L3MBTL4: variants seen among roughly 807,000 people sequenced by gnomAD.
The protein encoded by L3MBTL4 is L3MBTL histone methyl-lysine binding protein 4.
In L3MBTL4, 70 loss-of-function variants were observed where a neutral mutation model predicts 84.5. The observed-to-expected ratio is 0.83, with a 90% CI of 0.68 to 1.01. L3MBTL4 has a LOEUF of 1.01. Among genes scored for constraint, L3MBTL4 ranks in the 50% least tolerant of loss-of-function variants. The probability of loss-of-function intolerance (pLI) is 0.00; values close to 1 mark genes in which losing one functional copy is unlikely to be tolerated. For missense variants in L3MBTL4, 715 were observed against 754.8 expected, an observed-to-expected ratio of 0.95 and a Z score of 0.62; for synonymous variants, 274 against 259.8, an observed-to-expected ratio of 1.05 and a Z score of -0.52.
At chr18:6,157,912 T>C (rs542296945) in intron 13 of L3MBTL4, among the ~76,000 whole-genome samples, 4 of 152,324 alleles carry the variant, frequency 2.6e-5, no homozygotes, top group African/African-American at 9.6e-5. Context: ...TTTTTCTGCC[T>C]ATCAACTTCC....
intron 16 of L3MBTL4, among the ~76,000 whole-genome samples, chr18:6,014,075 A>G (rs963929145): frequency 1.3e-5 from 2 of 151,944 alleles, no homozygotes; most frequent in East Asian, 3.9e-4. Context: ...AGACTTCATT[A>G]CTCTGGGCCT....
chr18:5,979,188 T>C (rs1177365434), intron 16 of L3MBTL4, among the ~76,000 whole-genome samples: 2 of 152,100 alleles, frequency 1.3e-5, no homozygotes, highest in African/African-American at 4.8e-5. Context: ...TGTGCCTCCC[T>C]TTTCTCTGGG....
intron 14 of L3MBTL4, among the ~76,000 whole-genome samples, chr18:6,107,073 T>A (rs921672359): frequency 6.6e-6 from 1 of 152,274 alleles, no homozygotes; most frequent in African/African-American, 2.4e-5. Flanking sequence ...GCATTTAATA[T>A]AAAACCAGGC....
At position 6,398,658 on chromosome 18, in the gene L3MBTL4, A is replaced by G. The variant is rs151318910; in HGVS notation, c.-91+16143T>C. Among the ~76,000 whole-genome samples the G allele has an allele frequency of 7.5e-3, 1,098 of 146,924 alleles. 7 individuals are homozygous for G. The highest frequency in any genetic ancestry group is 0.012 in the Non-Finnish European group (791 of 66,764). Reference sequence around the variant, plus strand: ...TGGCAATCCTGGCCTCATTCAGCCTATAGATGTTTTGATTGTGCCTCACAC... The same window carrying G: ...TGGCAATCCTGGCCTCATTCAGCCTGTAGATGTTTTGATTGTGCCTCACAC... On this transcript the variant is annotated intron_variant, in intron 1 of 18. Coordinates refer to ENST00000317931, the MANE Select transcript of L3MBTL4 (RefSeq NM_001330559.2).
intron 12 of L3MBTL4, among the ~76,000 whole-genome samples, chr18:6,185,246 T>C (rs1465061837): frequency 6.6e-6 from 1 of 152,172 alleles, no homozygotes; most frequent in South Asian, 2.1e-4. Context: ...GCCATACACA[T>C]GCTGACACGT....
In L3MBTL4 at chr18:6,100,593, T is replaced by C. The variant is rs2058791655; in HGVS notation, c.1200-7065A>G. ...TTTTGGGGATTATATTGTGGGACTC[T>C]AGCTCCTATTCAACTTTCTGATTGG... On this transcript the variant is annotated intron_variant, in intron 14 of 18. Coordinates refer to ENST00000317931, the MANE Select transcript of L3MBTL4 (RefSeq NM_001330559.2). Among the ~76,000 whole-genome samples the C allele has an allele frequency of 2.0e-5, 3 of 152,214 alleles. 1 individual carries two copies. The South Asian group carries it at 6.2e-4, about 32-fold the overall frequency.
chr18:5,970,179 G>A (rs1442652163), intron 16 of L3MBTL4, among the ~76,000 whole-genome samples: 2 of 152,224 alleles, frequency 1.3e-5, no homozygotes, highest in Non-Finnish European at 2.9e-5. Context: ...TCCTGTGGCA[G>A]CCAGGGACTT....
At chr18:6,284,784 A>G (rs78263087) in intron 4 of L3MBTL4, among the ~76,000 whole-genome samples, 6,634 of 152,220 alleles carry the variant, frequency 0.044, 426 homozygotes, top group African/African-American at 0.14. Context: ...AGGTGGGAGG[A>G]CATGGGTGGA....
intron 16 of L3MBTL4, among the ~76,000 whole-genome samples, chr18:5,973,317 C>T (rs2052746248): frequency 6.6e-6 from 1 of 152,204 alleles, no homozygotes; most frequent in Non-Finnish European, 1.5e-5. Flanking sequence ...GCAGGGTGGA[C>T]ATCTGCTTCC....
At chr18:6,282,894 G>C (rs1405759578) in intron 4 of L3MBTL4, among the ~76,000 whole-genome samples, 1 of 152,116 alleles carries the variant, frequency 6.6e-6, no homozygotes, top group Non-Finnish European at 1.5e-5. Context: ...AGAAGCAACA[G>C]CCTCCCTTGT....
At chr18:6,120,305 T>G (rs1416426092) in intron 14 of L3MBTL4, among the ~76,000 whole-genome samples, 1 of 152,094 alleles carries the variant, frequency 6.6e-6, no homozygotes, top group East Asian at 1.9e-4. Context: ...CATTACTGTT[T>G]CCTCTGGAGT....
intron 14 of L3MBTL4, among the ~76,000 whole-genome samples, chr18:6,098,265 T>C (rs1289114617): frequency 1.3e-5 from 2 of 152,142 alleles, no homozygotes; most frequent in Admixed American, 1.3e-4. Flanking sequence ...ACGACTTACC[T>C]AAGGGTAGCT....
chr18:6,381,900 T>C (rs570329120), intron 1 of L3MBTL4, among the ~76,000 whole-genome samples: 21 of 152,336 alleles, frequency 1.4e-4, no homozygotes, highest in Middle Eastern at 6.8e-3. Context: ...TTGGAGAAGT[T>C]CTCCTGGATA....
At position 5,974,960 on chromosome 18, in the gene L3MBTL4, T is replaced by C. The variant is rs2052832335; in HGVS notation, c.1445-5398A>G. Among the ~76,000 whole-genome samples the C allele has an allele frequency of 2.0e-5, 3 of 151,946 alleles. 1 individual carries two copies. The South Asian group carries it at 6.2e-4, about 32-fold the overall frequency. On this transcript the variant is annotated intron_variant, in intron 16 of 18. Coordinates refer to ENST00000317931, the MANE Select transcript of L3MBTL4 (RefSeq NM_001330559.2). ...GTTTGGGTGACAGAGAAACCCTGTC[T>C]CTATTGTTTTGTTTTTTTTTTTTAA...
At chr18:6,036,772 T>G (rs748710148) in intron 16 of L3MBTL4, among the ~76,000 whole-genome samples, 2 of 152,220 alleles carry the variant, frequency 1.3e-5, no homozygotes, top group Non-Finnish European at 2.9e-5. Context: ...TTTTTTATAT[T>G]TAAAATTGTT....
At chr18:5,985,257 G>A (rs991294131) in intron 16 of L3MBTL4, among the ~76,000 whole-genome samples, 3 of 152,212 alleles carry the variant, frequency 2.0e-5, no homozygotes, top group Admixed American at 1.3e-4. Flanking sequence ...TGGGAAACCG[G>A]AAGGCAGATT....
At chr18:6,382,047 T>A (rs2054614099) in intron 1 of L3MBTL4, among the ~76,000 whole-genome samples, 1 of 152,210 alleles carries the variant, frequency 6.6e-6, no homozygotes, top group Non-Finnish European at 1.5e-5. Context: ...TTCTTTTCTC[T>A]CTAATCTTGT....
At chr18:5,999,469 A>C (rs2054121990) in intron 16 of L3MBTL4, among the ~76,000 whole-genome samples, 1 of 152,176 alleles carries the variant, frequency 6.6e-6, no homozygotes, top group Admixed American at 6.5e-5. Flanking sequence ...CCTTCCTCAG[A>C]GTGTGCTGTG....
chr18:6,374,364 T>G (rs553199637), intron 1 of L3MBTL4: 2 of 154,900 alleles, frequency 1.3e-5, no homozygotes, highest in South Asian at 4.1e-4. Flanking sequence ...CACGCTAGTG[T>G]TTGCTAAAAC....
Sources: gnomAD v4.1 joint callset for allele counts (sites outside exome capture counted in the v4.1 genomes callset) on GRCh38, gnomAD v4.1.1 for gene constraint, MANE v1.5 for transcripts, NCBI Gene and HGNC (gene_info 2026-07-23, HGNC 2026-07-21) for gene names.